Variants in RPS6KC1 observed in about 807,000 individuals in gnomAD.
RPS6KC1 encodes the protein inactive ribosomal protein S6 kinase delta-1.
Under a neutral mutation model 103.8 loss-of-function variants are expected in RPS6KC1, and 54 were observed. The ratio of observed to expected loss-of-function variants is 0.52; its 90% confidence interval spans 0.42 to 0.65. RPS6KC1 has a LOEUF of 0.65. Ranked by LOEUF, RPS6KC1 falls within the 30% of genes least tolerant of loss-of-function variation. The pLI is 0.00. For synonymous variants in RPS6KC1, 439 were observed against 438.7 expected (o/e 1.00, Z -0.01); for missense variants, 1,151 against 1,253.8 (o/e 0.92, Z 1.24).
chr1:213,273,483 A>G lies in RPS6KC1; in HGVS notation c.*849A>G, dbSNP rs1252532958. On this transcript the variant is annotated 3_prime_UTR_variant, in exon 15 of 15. Transcript: ENST00000366960. The stretch of plus-strand genomic sequence containing the variant: ...AAACATTAGATCTCTTCTTCATTTA[A>G]TAACCCTCCCCCCTTTTTTTCCTTG... 1.3e-5 allele frequency: 2 copies of G among 152,660 alleles called. No individual in the cohort carries two copies. Among genetic ancestry groups the G allele is most frequent in the Non-Finnish European group, 2.9e-5 (2 of 68,038 alleles). The allele number at this position is 152,660 out of a possible 1,614,324, so 9.5% of individuals were successfully genotyped here. A position where few individuals can be genotyped will look rare whatever the true frequency, so the allele number is the denominator to read the frequency against.
chr1:213,736,340 C>T, the RPS6KC1 span, among the ~76,000 whole-genome samples: 1 of 152,098 alleles, frequency 6.6e-6, no homozygotes, highest in Non-Finnish European at 1.5e-5. Context: ...ATTTCTGAAC[C>T]CATTCAAGTT....
chr1:213,115,435 C>G (rs1230227517), intron 4 of RPS6KC1, among the ~76,000 whole-genome samples: 2 of 151,846 alleles, frequency 1.3e-5, no homozygotes, highest in African/African-American at 4.8e-5. Context: ...CTATTTGATT[C>G]TTCTCTCTTT....
the RPS6KC1 span, among the ~76,000 whole-genome samples, chr1:213,841,687 G>T: frequency 1.3e-5 from 2 of 152,134 alleles, no homozygotes; most frequent in African/African-American, 4.8e-5. Context: ...CCATTTGGAG[G>T]GGGAATTGTC....
intron 12 of RPS6KC1, among the ~76,000 whole-genome samples, chr1:213,243,660 T>C (rs2094403737): frequency 6.6e-6 from 1 of 152,230 alleles, no homozygotes. Flanking sequence ...GGCTGTATTA[T>C]GAATCCAAAG....
the RPS6KC1 span, among the ~76,000 whole-genome samples, chr1:213,599,800 C>G: frequency 6.5e-3 from 997 of 152,340 alleles, 18 homozygotes; most frequent in African/African-American, 0.023. Context: ...GACCTGCCTC[C>G]TCTTCCCTCA....
chr1:213,626,292 ATTTG>A, the RPS6KC1 span, among the ~76,000 whole-genome samples: 3 of 152,218 alleles, frequency 2.0e-5, no homozygotes, highest in Admixed American at 2.0e-4. Flanking sequence ...TTTCTTGTAA[ATTTG>A]TTTGAGTTCA....
chr1:213,219,760 CA>C (rs1176217593), intron 8 of RPS6KC1, among the ~76,000 whole-genome samples: 1 of 146,902 alleles, frequency 6.8e-6, no homozygotes, highest in African/African-American at 2.5e-5. Flanking sequence ...ATTGCAACGA[CA>C]AAAACCAAAC....
the RPS6KC1 span, among the ~76,000 whole-genome samples, chr1:213,644,103 G>T: frequency 6.6e-6 from 1 of 151,812 alleles, no homozygotes; most frequent in Non-Finnish European, 1.5e-5. Flanking sequence ...ATTGATGTGG[G>T]ATTTTCCCTC....
At chr1:213,399,554 C>T in the RPS6KC1 span, among the ~76,000 whole-genome samples, 3 of 152,060 alleles carry the variant, frequency 2.0e-5, no homozygotes, top group African/African-American at 7.3e-5. Context: ...TGCTTGAGGG[C>T]AGTATGGCTT....
At chr1:213,187,150 C>A (rs1174946283) in intron 8 of RPS6KC1, among the ~76,000 whole-genome samples, 2 of 152,072 alleles carry the variant, frequency 1.3e-5, no homozygotes, top group Non-Finnish European at 2.9e-5. Context: ...AGTTCTCCTG[C>A]CTTGGCTTCC....
chr1:213,466,939 T>C, the RPS6KC1 span, among the ~76,000 whole-genome samples: 1 of 152,124 alleles, frequency 6.6e-6, no homozygotes, highest in African/African-American at 2.4e-5. Context: ...TAATATTCTA[T>C]TAAATTGGCA....
At chr1:213,718,329 G>A in the RPS6KC1 span, among the ~76,000 whole-genome samples, 2 of 152,068 alleles carry the variant, frequency 1.3e-5, no homozygotes, top group Non-Finnish European at 2.9e-5. Context: ...TCACAGCTGG[G>A]GCTTTATTTG....
chr1:213,605,703 G>C, the RPS6KC1 span, among the ~76,000 whole-genome samples: 1 of 152,322 alleles, frequency 6.6e-6, no homozygotes, highest in East Asian at 1.9e-4. Context: ...AACACTCATG[G>C]AAAGGCAATT....
intron 8 of RPS6KC1, among the ~76,000 whole-genome samples, chr1:213,221,090 A>G (rs966507742): frequency 2.6e-5 from 4 of 152,168 alleles, no homozygotes; most frequent in Non-Finnish European, 4.4e-5. Context: ...AATCTTTATT[A>G]TTATCCATAG....
the RPS6KC1 span, among the ~76,000 whole-genome samples, chr1:213,658,827 C>T: frequency 6.6e-6 from 1 of 152,196 alleles, no homozygotes; most frequent in Non-Finnish European, 1.5e-5. Flanking sequence ...TTTGCTCTCT[C>T]CATTGCTTTT....
intron 12 of RPS6KC1, among the ~76,000 whole-genome samples, chr1:213,259,415 T>A (rs1351984235): frequency 6.6e-6 from 1 of 150,656 alleles, no homozygotes; most frequent in African/African-American, 2.4e-5. Flanking sequence ...CAAAAAAAAT[T>A]AACTGGGTGT....
At chr1:213,269,106 T>C (rs2094980627) in intron 14 of RPS6KC1, among the ~76,000 whole-genome samples, 1 of 152,078 alleles carries the variant, frequency 6.6e-6, no homozygotes, top group Non-Finnish European at 1.5e-5. Flanking sequence ...ACAAACAGAT[T>C]GAAAGACAAA....
At chr1:213,196,977 C>T (rs753208502) in intron 8 of RPS6KC1, among the ~76,000 whole-genome samples, 6 of 152,092 alleles carry the variant, frequency 3.9e-5, no homozygotes, top group African/African-American at 4.8e-5. Context: ...GCTGGGATTA[C>T]GGGCATGTGC....
At chr1:213,263,079 G>T (rs1466342185) in intron 14 of RPS6KC1, among the ~76,000 whole-genome samples, 1 of 152,062 alleles carries the variant, frequency 6.6e-6, no homozygotes. Context: ...GTATATTTGT[G>T]TAACTCTGTG....
Sources: gnomAD v4.1 joint callset for allele counts (sites outside exome capture counted in the v4.1 genomes callset) on GRCh38, gnomAD v4.1.1 for gene constraint, MANE v1.5 for transcripts, NCBI Gene and HGNC (gene_info 2026-07-23, HGNC 2026-07-21) for gene names.